FBXO10: variants seen among roughly 807,000 people sequenced by gnomAD.
The protein encoded by FBXO10 is F-box protein 10.
A neutral mutation model predicts 80.7 loss-of-function variants in FBXO10; 39 were observed. That is an observed-to-expected ratio of 0.48 (90% CI 0.37 to 0.63). The LOEUF is 0.63. Among genes scored for constraint, FBXO10 ranks in the 30% least tolerant of loss-of-function variants. The pLI is 0.00. For missense variants in FBXO10, 1,025 were observed against 1,269.0 expected (o/e 0.81, Z 2.92); for synonymous variants, 449 against 489.6 (o/e 0.92, Z 1.09).
intron 1 of FBXO10, among the ~76,000 whole-genome samples, chr9:37,557,196 C>A (rs1282058260): frequency 6.6e-6 from 1 of 152,204 alleles, no homozygotes; most frequent in Middle Eastern, 3.2e-3. Flanking sequence ...TTTATGATTA[C>A]TTACAATTGA....
intron 1 of FBXO10, among the ~76,000 whole-genome samples, chr9:37,566,904 G>T (rs1360238371): frequency 6.6e-6 from 1 of 152,164 alleles, no homozygotes; most frequent in African/African-American, 2.4e-5. Flanking sequence ...AGAAAGCTGT[G>T]TTCTGATGGT....
intron 1 of FBXO10, among the ~76,000 whole-genome samples, chr9:37,558,273 T>G (rs2119172097): frequency 6.6e-6 from 1 of 152,336 alleles, no homozygotes; most frequent in East Asian, 1.9e-4. Context: ...GACTTTCCAT[T>G]AGGGTTCTCC....
intron 3 of FBXO10, among the ~76,000 whole-genome samples, chr9:37,535,546 C>T (rs894028468): frequency 2.0e-5 from 3 of 151,802 alleles, no homozygotes; most frequent in African/African-American, 4.8e-5. Flanking sequence ...TTAGTAGAGA[C>T]GGGGTTTCAC....
intron 1 of FBXO10, among the ~76,000 whole-genome samples, chr9:37,550,432 G>A (rs1305039523): frequency 6.1e-5 from 9 of 146,974 alleles, no homozygotes; most frequent in East Asian, 4.1e-4. Context: ...TGATCGGCCC[G>A]CCTCAGCCTC....
intron 6 of FBXO10, 88 bp from the exon 7 acceptor site, chr9:37,523,065 A>G (rs1588827445): frequency 6.8e-7 from 1 of 1,466,954 alleles, no homozygotes. Flanking sequence ...GATCAAGGCT[A>G]CTCCAGACCA....
At chr9:37,557,834 C>T (rs1377719296) in intron 1 of FBXO10, among the ~76,000 whole-genome samples, 1 of 152,170 alleles carries the variant, frequency 6.6e-6, no homozygotes, top group African/African-American at 2.4e-5. Context: ...TATTTAGCCA[C>T]TTCAATTTAA....
chr9:37,561,516 T>TCTGCTGCTGC (rs1330452250), intron 1 of FBXO10, among the ~76,000 whole-genome samples: 1 of 152,206 alleles, frequency 6.6e-6, no homozygotes, highest in African/African-American at 2.4e-5. Flanking sequence ...AAGCAGGCTC[T>TCTGCTGCTGC]CTGCTGCTGC....
At chr9:37,533,323 A>G (rs1265923974) in intron 3 of FBXO10, among the ~76,000 whole-genome samples, 1 of 152,144 alleles carries the variant, frequency 6.6e-6, no homozygotes, top group East Asian at 1.9e-4. Flanking sequence ...AGGTGGGCGG[A>G]TCACTTGAGG....
intron 1 of FBXO10, among the ~76,000 whole-genome samples, chr9:37,573,573 G>A (rs774400147): frequency 2.6e-5 from 4 of 152,200 alleles, no homozygotes; most frequent in Non-Finnish European, 4.4e-5. Context: ...CTCAGACAAT[G>A]CAGTTCTCTC....
At chr9:37,520,468 A>G (rs1588824696) in intron 8 of FBXO10, among the ~76,000 whole-genome samples, 1 of 149,640 alleles carries the variant, frequency 6.7e-6, no homozygotes, top group African/African-American at 2.5e-5. Flanking sequence ...AGCTGGGACC[A>G]CAGGCACATG....
Position 37,530,321 on chromosome 9 carries a change from G to C in FBXO10, c.1570-1061C>G, listed in dbSNP as rs1588833670. Among the ~76,000 whole-genome samples, 3 of 152,300 alleles carry C rather than the reference G, an allele frequency of 2.0e-5. 1 individual carries two copies. The highest frequency in any genetic ancestry group is 2.0e-4 in the Admixed American group (3 of 15,294). ...CAGATTTTTCCTGAAGGATTTGGCA[G>C]GCTCATCAGAGCAACCACTGCCTAA... On this transcript the variant is annotated intron_variant, in intron 4 of 10. Transcript: ENST00000432825.
intron 1 of FBXO10, among the ~76,000 whole-genome samples, chr9:37,574,451 A>G (rs981864100): frequency 6.6e-6 from 1 of 152,226 alleles, no homozygotes; most frequent in Non-Finnish European, 1.5e-5. Flanking sequence ...AAATGATGGC[A>G]CTATGGTGAA....
chr9:37,543,453 C>G (rs1022761100), intron 1 of FBXO10, among the ~76,000 whole-genome samples: 12 of 152,110 alleles, frequency 7.9e-5, no homozygotes, highest in Non-Finnish European at 1.6e-4. Flanking sequence ...AAGCTATAAA[C>G]TCAGGAATAG....
Position 37,538,736 on chromosome 9 carries a change from C to T in FBXO10, c.586-793G>A, listed in dbSNP as rs529833761. ...AAAAAAAAAAAAAAAGCATGGGCTC[C>T]GGGGGTTGACTGCAAGTGTTATCTT... On this transcript the variant is annotated intron_variant, in intron 2 of 10. Transcript: ENST00000432825. 7.9e-5 allele frequency among the ~76,000 whole-genome samples: 12 copies of T among 151,734 alleles called. No individual in the cohort carries two copies. In the South Asian group the frequency reaches 1.9e-3, roughly 24 times the overall value.
chr9:37,519,471 C>CGA (rs1554756690), intron 8 of FBXO10, among the ~76,000 whole-genome samples: 1 of 151,584 alleles, frequency 6.6e-6, no homozygotes, highest in Admixed American at 6.6e-5. Flanking sequence ...CCTCTGCCCA[C>CGA]CAACAGCAAC....
chr9:37,547,467 T>C (rs1822085213), intron 1 of FBXO10, among the ~76,000 whole-genome samples: 1 of 152,024 alleles, frequency 6.6e-6, no homozygotes, highest in Non-Finnish European at 1.5e-5. Flanking sequence ...AAAAATTAGC[T>C]GAGTGTGGTG....
chr9:37,566,148 C>CA (rs1822599877), intron 1 of FBXO10, among the ~76,000 whole-genome samples: 1 of 152,198 alleles, frequency 6.6e-6, no homozygotes, highest in Non-Finnish European at 1.5e-5. Context: ...GCTTCATTCA[C>CA]ACTCTAGTTT....
chr9:37,541,292 C>G lies in FBXO10; in HGVS notation c.477G>C (p.Gly159=). 6.2e-7 allele frequency: 1 copy of G among 1,614,014 alleles called. No individual in the cohort carries two copies. The highest frequency in any genetic ancestry group is 8.5e-7 in the Non-Finnish European group (1 of 1,179,892). ...LKVPVEIVGQ[G]KLGEVALLAS... ...CCAGCAGGGCCACTTCACCCAACTT[C>G]CCCTGCCCTACAATCTCCACAGGCA... Residue 159 remains glycine (G), a synonymous_variant, in exon 2 of 11, where the codon GGG becomes GGC. Coordinates refer to ENST00000432825, the MANE Select transcript of FBXO10 (RefSeq NM_012166.3).
chr9:37,566,180 G>A (rs1379540649), intron 1 of FBXO10, among the ~76,000 whole-genome samples: 14 of 152,184 alleles, frequency 9.2e-5, no homozygotes, highest in Admixed American at 9.2e-4. Flanking sequence ...CTCCCTTGCA[G>A]ACTAATCATG....
Sources: allele counts gnomAD v4.1 joint callset (sites outside exome capture counted in the v4.1 genomes callset), GRCh38; gene constraint gnomAD v4.1.1; transcripts MANE v1.5; gene names NCBI Gene and HGNC (gene_info 2026-07-23, HGNC 2026-07-21).